Variants in GPHN observed in about 807,000 individuals in gnomAD.
GPHN encodes gephyrin.
GPHN carries 17 observed loss-of-function variants against 95.5 expected under a neutral mutation model. The observed-to-expected ratio is 0.18, with a 90% CI of 0.12 to 0.27. The LOEUF is 0.27. GPHN is among the 10% of genes least tolerant of loss of function. GPHN has a pLI of 1.00. For synonymous variants in GPHN, 320 were observed against 322.5 expected (o/e 0.99, Z 0.08); for missense variants, 660 against 978.1 (o/e 0.67, Z 4.34).
chr14:67,062,903 G>A (rs146647518), intron 11 of GPHN, among the ~76,000 whole-genome samples: 4,711 of 152,202 alleles, frequency 0.031, 111 homozygotes, highest in Non-Finnish European at 0.051. Flanking sequence ...TTCTTTTACC[G>A]TGCAGAAAGT....
intron 1 of GPHN, among the ~76,000 whole-genome samples, chr14:66,621,591 A>AT (rs1193111549): frequency 2.8e-5 from 4 of 140,368 alleles, no homozygotes; most frequent in Non-Finnish European, 4.6e-5. Flanking sequence ...TGCCCAGCTA[A>AT]TTTTTTGTAT....
At chr14:67,216,167 T>C in the GPHN span, among the ~76,000 whole-genome samples, 2 of 152,170 alleles carry the variant, frequency 1.3e-5, no homozygotes, top group Non-Finnish European at 2.9e-5. Flanking sequence ...TACATTGTTA[T>C]TAACTATAGT....
At chr14:67,405,011 G>A in the GPHN span, among the ~76,000 whole-genome samples, 2 of 151,732 alleles carry the variant, frequency 1.3e-5, no homozygotes, top group Non-Finnish European at 2.9e-5. Flanking sequence ...AAGTAGGCGG[G>A]TCACCTGAGG....
the GPHN span, chr14:67,663,322 T>G: frequency 1.6e-6 from 1 of 623,106 alleles, no homozygotes; most frequent in Non-Finnish European, 2.7e-6. Flanking sequence ...GTTTCATTTT[T>G]AAATAACATT....
chr14:67,728,485 T>G, the GPHN span, among the ~76,000 whole-genome samples: 1 of 152,050 alleles, frequency 6.6e-6, no homozygotes, highest in Non-Finnish European at 1.5e-5. Context: ...TACATCAGAG[T>G]TCAGACCTTG....
At chr14:67,501,163 C>T in the GPHN span, among the ~76,000 whole-genome samples, 1 of 151,874 alleles carries the variant, frequency 6.6e-6, no homozygotes, top group South Asian at 2.1e-4. Context: ...CTAGCTTGAA[C>T]GAAATGCAAA....
At chr14:67,356,423 A>T in the GPHN span, among the ~76,000 whole-genome samples, 1 of 126,214 alleles carries the variant, frequency 7.9e-6, no homozygotes, top group Non-Finnish European at 1.5e-5. Flanking sequence ...CCTGCCTCAA[A>T]AAAACAAAAA....
the GPHN span, among the ~76,000 whole-genome samples, chr14:67,624,869 T>G: frequency 6.6e-6 from 1 of 152,208 alleles, no homozygotes; most frequent in Non-Finnish European, 1.5e-5. Flanking sequence ...CATTAAGAAT[T>G]GTGGCATTTT....
At chr14:67,572,046 C>G in the GPHN span, 9 of 1,499,810 alleles carry the variant, frequency 6.0e-6, no homozygotes, top group Non-Finnish European at 8.1e-6. Flanking sequence ...GACCGGGTCC[C>G]GGGTGGGTGG....
chr14:66,963,889 T>C (rs2069138566), intron 8 of GPHN, among the ~76,000 whole-genome samples: 1 of 152,174 alleles, frequency 6.6e-6, no homozygotes, highest in Non-Finnish European at 1.5e-5. Context: ...ATGCATAATA[T>C]TAGGAATACC....
chr14:66,711,587 C>G (rs1158467326), intron 2 of GPHN, among the ~76,000 whole-genome samples: 4 of 130,970 alleles, frequency 3.1e-5, no homozygotes, highest in Admixed American at 3.0e-4. Context: ...AATGGTAGTT[C>G]TTTTTTTTTT....
intron 1 of GPHN, among the ~76,000 whole-genome samples, chr14:66,539,409 C>CTTTT (rs1000117893): frequency 0.026 from 2,600 of 101,546 alleles, 201 homozygotes; most frequent in African/African-American, 0.079. Context: ...TTTCTACTTT[C>CTTTT]TTTTTTTTTT....
At chr14:66,577,317 A>G (rs899858378) in intron 1 of GPHN, among the ~76,000 whole-genome samples, 17 of 152,292 alleles carry the variant, frequency 1.1e-4, no homozygotes, top group Admixed American at 2.6e-4. Context: ...ACTAAAACTT[A>G]GAGAATCCAA....
intron 1 of GPHN, among the ~76,000 whole-genome samples, chr14:66,573,184 A>G (rs562034853): frequency 9.8e-5 from 15 of 152,286 alleles, no homozygotes; most frequent in African/African-American, 3.1e-4. Context: ...TTTGGAAGGA[A>G]TATTCTGTGT....
chr14:67,634,136 T>C, the GPHN span, among the ~76,000 whole-genome samples: 1 of 152,202 alleles, frequency 6.6e-6, no homozygotes, highest in African/African-American at 2.4e-5. Flanking sequence ...AGCTTTCTCC[T>C]GTAACTTCAT....
At chr14:66,973,708 G>C (rs2069990493) in intron 9 of GPHN, among the ~76,000 whole-genome samples, 1 of 152,104 alleles carries the variant, frequency 6.6e-6, no homozygotes, top group African/African-American at 2.4e-5. Context: ...GCAGTGAGCT[G>C]AGCTCACGCC....
intron 1 of GPHN, among the ~76,000 whole-genome samples, chr14:66,557,848 A>G (rs1162913070): frequency 6.6e-6 from 1 of 152,206 alleles, no homozygotes; most frequent in Non-Finnish European, 1.5e-5. Context: ...ATTACTTATT[A>G]TATGAGTTAT....
At chr14:66,892,002 A>C (rs556677357) in intron 5 of GPHN, among the ~76,000 whole-genome samples, 1 of 152,316 alleles carries the variant, frequency 6.6e-6, no homozygotes, top group South Asian at 2.1e-4. Flanking sequence ...GTTTAGAAAC[A>C]TTGTGTATTG....
the GPHN span, among the ~76,000 whole-genome samples, chr14:67,497,188 G>A: frequency 6.6e-6 from 1 of 152,168 alleles, no homozygotes; most frequent in East Asian, 1.9e-4. Flanking sequence ...TGTATATGCT[G>A]CGGGCACACA....
Sources: gnomAD v4.1 joint callset for allele counts (sites outside exome capture counted in the v4.1 genomes callset) on GRCh38, gnomAD v4.1.1 for gene constraint, MANE v1.5 for transcripts, NCBI Gene and HGNC (gene_info 2026-07-23, HGNC 2026-07-21) for gene names.